AFAP1: variants seen among roughly 807,000 people sequenced by gnomAD.
The protein encoded by AFAP1 is actin filament associated protein 1.
A neutral mutation model predicts 93.9 loss-of-function variants in AFAP1; 75 were observed. The ratio of observed to expected loss-of-function variants is 0.80; its 90% CI spans 0.66 to 0.97. The LOEUF is 0.97. Among genes scored for constraint, AFAP1 ranks in the 50% least tolerant of loss-of-function variants. The probability of loss-of-function intolerance (pLI) is 0.00; values close to 1 mark genes in which losing one functional copy is unlikely to be tolerated. For synonymous variants in AFAP1, 517 were observed against 430.7 expected, an observed-to-expected ratio of 1.20 and a Z score of -2.48; for missense variants, 1,201 against 1,050.8, an observed-to-expected ratio of 1.14 and a Z score of -1.98.
intron 10 of AFAP1, among the ~76,000 whole-genome samples, chr4:7,797,163 T>C (rs567242023): frequency 6.6e-6 from 1 of 152,294 alleles, no homozygotes; most frequent in South Asian, 2.1e-4. Flanking sequence ...GGTCTCGCAG[T>C]CGATGCTAGC....
chr4:7,871,781 G>C (rs771497803), intron 2 of AFAP1, among the ~76,000 whole-genome samples, 171 bp downstream of exon 2: 15 of 152,150 alleles, frequency 9.9e-5, no homozygotes, highest in Non-Finnish European at 1.5e-4. Context: ...TACACCTGGA[G>C]GCTAACACAG....
chr4:7,821,222 T>TG (rs1249128824), intron 6 of AFAP1, among the ~76,000 whole-genome samples: 3 of 152,150 alleles, frequency 2.0e-5, no homozygotes, highest in Non-Finnish European at 4.4e-5. Flanking sequence ...GGAATAAGTG[T>TG]GAAGATTACC....
At chr4:7,799,331 C>CAA (rs10624530) in intron 10 of AFAP1, among the ~76,000 whole-genome samples, 16,204 of 147,242 alleles carry the variant, frequency 0.11, 1,306 homozygotes, top group East Asian at 0.48. Context: ...TCATCCCCAC[C>CAA]AAAAAAAAAA....
At chr4:7,899,067 T>C (rs945941355) in intron 1 of AFAP1, among the ~76,000 whole-genome samples, 5 of 151,720 alleles carry the variant, frequency 3.3e-5, no homozygotes, top group African/African-American at 1.2e-4. Flanking sequence ...AGCCTGTCCT[T>C]AACGAGTTCT....
At position 7,831,533 on chromosome 4, in the gene AFAP1, G is replaced by A. The variant is rs559369034; in HGVS notation, c.726+6991C>T. On this transcript the variant is annotated intron_variant, in intron 6 of 17. Coordinates refer to ENST00000420658, the MANE Select transcript of AFAP1 (RefSeq NM_001134647.2). Reference sequence around the variant, plus strand: ...TACAAGATTATTTCACCCCATCAGCGTCTGACATCTTGAGAAAGTTTTGTT... The same window carrying A: ...TACAAGATTATTTCACCCCATCAGCATCTGACATCTTGAGAAAGTTTTGTT... Among the ~76,000 whole-genome samples, 11 of 152,224 alleles carry A rather than the reference G, an allele frequency of 7.2e-5. No individual in the cohort carries two copies. In the East Asian group the frequency reaches 7.7e-4, roughly 11 times the overall value.
intron 6 of AFAP1, among the ~76,000 whole-genome samples, chr4:7,819,665 T>C (rs912922070): frequency 6.6e-6 from 1 of 151,706 alleles, no homozygotes; most frequent in African/African-American, 2.4e-5. Context: ...ATGTGAAGAG[T>C]TGGGAATAAC....
At chr4:7,844,974 G>A (rs1287031111) in intron 4 of AFAP1, among the ~76,000 whole-genome samples, 5 of 152,246 alleles carry the variant, frequency 3.3e-5, no homozygotes, top group African/African-American at 1.2e-4. Flanking sequence ...GGCAGAGTCT[G>A]CACAGAAGAG....
intron 1 of AFAP1, among the ~76,000 whole-genome samples, chr4:7,900,464 G>A (rs1371462395): frequency 6.6e-6 from 1 of 152,214 alleles, no homozygotes; most frequent in Non-Finnish European, 1.5e-5. Context: ...GTGCAGATGT[G>A]AGGAAACCAA....
At position 7,787,282 on chromosome 4, in the gene AFAP1, T is replaced by G. The variant is rs191130055; in HGVS notation, c.1413-971A>C. On this transcript the variant is annotated intron_variant, in intron 11 of 17. Coordinates refer to ENST00000420658, the MANE Select transcript of AFAP1 (RefSeq NM_001134647.2). ...GGGCACGGGAGCGCTGTGCCCCACA[T>G]GCTTTGCCCGGCGCACCTCTTCCCT... Among the ~76,000 whole-genome samples the G allele has an allele frequency of 3.4e-3, 514 of 152,338 alleles. 3 individuals are homozygous for G. The highest frequency in any genetic ancestry group is 0.012 in the African/African-American group (487 of 41,580).
chr4:7,794,362 TTG>T (rs1718188340), intron 10 of AFAP1, among the ~76,000 whole-genome samples: 1 of 152,254 alleles, frequency 6.6e-6, no homozygotes, highest in Non-Finnish European at 1.5e-5. Flanking sequence ...TTGATATCAA[TTG>T]TGTTTCCACA....
chr4:7,798,843 C>T (rs777182069), intron 10 of AFAP1: 41 of 984,922 alleles, frequency 4.2e-5, no homozygotes, highest in African/African-American at 1.2e-4. Context: ...CACCGCACCC[C>T]GAGCTTCTCT....
At position 7,872,053 on chromosome 4, in the gene AFAP1, C is replaced by A. The variant is rs143249636; in HGVS notation, c.26G>T (p.Arg9Leu). 6.2e-7 allele frequency: 1 copy of A among 1,613,858 alleles called. No homozygotes were observed. Among genetic ancestry groups the A allele is most frequent in the Non-Finnish European group, 8.5e-7 (1 of 1,179,948 alleles). The change falls in exon 2 of 18, where the codon CGT becomes CTT. Residue 9 changes from arginine (R) to leucine (L), a missense_variant. Physicochemically the swap from Arg to Leu is moderately radical, Grantham distance 102 (BLOSUM62 -2). Coordinates refer to ENST00000420658, the MANE Select transcript of AFAP1 (RefSeq NM_001134647.2). ...ATGGTCCAGGAGTTCAAGAAAGAGACGAAGTTCAACTATTAACTCTTCCAT... is the reference window on the plus strand; with the variant it reads ...ATGGTCCAGGAGTTCAAGAAAGAGAAGAAGTTCAACTATTAACTCTTCCAT... MEELIVEL[R>L]LFLELLDHEY...
intron 11 of AFAP1, among the ~76,000 whole-genome samples, chr4:7,792,378 C>A (rs190759745): frequency 9.2e-5 from 14 of 152,258 alleles, no homozygotes; most frequent in Admixed American, 5.9e-4. Context: ...GACTACAGAT[C>A]TCAGCAGGAG....
intron 1 of AFAP1, among the ~76,000 whole-genome samples, chr4:7,924,342 TAACA>T (rs1357428636): frequency 2.0e-5 from 3 of 152,122 alleles, no homozygotes; most frequent in South Asian, 2.1e-4. Flanking sequence ...AAGCTAACAC[TAACA>T]AACAATGAGA....
intron 1 of AFAP1, among the ~76,000 whole-genome samples, chr4:7,915,488 A>G (rs914452865): frequency 8.2e-6 from 1 of 122,290 alleles, no homozygotes; most frequent in Non-Finnish European, 1.7e-5. Flanking sequence ...AAAAAAAAAA[A>G]GAAGAAGAAG....
chr4:7,783,656 C>A (rs907055770), intron 12 of AFAP1, among the ~76,000 whole-genome samples: 5 of 152,226 alleles, frequency 3.3e-5, no homozygotes, highest in African/African-American at 1.2e-4. Flanking sequence ...GTTTCTACAA[C>A]AGATGAAGCT....
chr4:7,763,360 G>A lies in AFAP1; in HGVS notation c.*405C>T, dbSNP rs568675543. The A allele has an allele frequency of 8.0e-5, 16 of 199,620 alleles. No homozygotes were observed. Among genetic ancestry groups the A allele is most frequent in the Admixed American group, 2.2e-4 (4 of 18,000 alleles). 12.4% of individuals were successfully genotyped at this position (199,620 alleles called of 1,614,324 possible). On this transcript the variant is annotated 3_prime_UTR_variant, in exon 18 of 18. Transcript: ENST00000420658. Reference sequence around the variant, plus strand: ...AGCCACACTCATGCCCGGGGCAGCCGGGGATCCAAGCTCTTCCCTGTCGAA... The same window carrying A: ...AGCCACACTCATGCCCGGGGCAGCCAGGGATCCAAGCTCTTCCCTGTCGAA...
At position 7,772,866 on chromosome 4, in the gene AFAP1, G is replaced by C; in HGVS notation, c.2207C>G (p.Thr736Ser). 6.2e-7 allele frequency: 1 copy of C among 1,614,086 alleles called. No individual in the cohort carries two copies. ...CTTGGGCTCGATGGCCAGCCCCAGG[G>C]TGACTCCGCCCGCCAGCGCTTTCTT... ...SLKKALAGGVTLGLAIEPKSG... is the reference protein window; with the variant it reads ...SLKKALAGGVSLGLAIEPKSG... Residue 736 changes from threonine to serine, a missense_variant, in exon 16 of 18, where the codon ACC becomes AGC. Transcript: ENST00000420658.
chr4:7,793,924 G>A (rs1172918916), intron 10 of AFAP1, 98 bp from the exon 11 acceptor site: 5 of 1,283,420 alleles, frequency 3.9e-6, no homozygotes, highest in Non-Finnish European at 5.2e-6. Flanking sequence ...GAAAGGCGAT[G>A]AAACATGATG....
Sources: gnomAD v4.1 joint callset for allele counts (sites outside exome capture counted in the v4.1 genomes callset) on GRCh38, gnomAD v4.1.1 for gene constraint, MANE v1.5 for transcripts, NCBI Gene and HGNC (gene_info 2026-07-23, HGNC 2026-07-21) for gene names.